PARP11: variants seen among roughly 807,000 people sequenced by gnomAD.
The protein encoded by PARP11 is poly(ADP-ribose) polymerase family member 11, also known as protein mono-ADP-ribosyltransferase PARP11.
A neutral mutation model predicts 42.9 loss-of-function variants in PARP11; 31 were observed. That is an observed-to-expected ratio of 0.72 (90% CI 0.54 to 0.98). PARP11 has a LOEUF of 0.98. PARP11 is among the 50% of genes least tolerant of loss of function. The pLI, the probability that PARP11 is intolerant of heterozygous loss-of-function variation, is 0.00. For missense variants in PARP11, 365 were observed against 413.1 expected, an observed-to-expected ratio of 0.88 and a Z score of 1.01; for synonymous variants, 137 against 127.3, an observed-to-expected ratio of 1.08 and a Z score of -0.51.
At chr12:3,872,475 A>C (rs1176374680) in intron 1 of PARP11, 2 of 979,728 alleles carry the variant, frequency 2.0e-6, no homozygotes, top group African/African-American at 1.8e-5. Context: ...TATAAAAGCA[A>C]AGTAGACAAA....
intron 4 of PARP11, among the ~76,000 whole-genome samples, chr12:3,824,288 G>T (rs1947469373): frequency 6.6e-6 from 1 of 152,132 alleles, no homozygotes; most frequent in African/African-American, 2.4e-5. Context: ...AGTCCTAAAA[G>T]TACTTCATAT....
At chr12:3,826,103 C>G (rs1233342681) in intron 4 of PARP11, 55 bp downstream of exon 4, 18 of 1,010,476 alleles carry the variant, frequency 1.8e-5, no homozygotes, top group Middle Eastern at 4.4e-4. Context: ...GTTTTTCTGT[C>G]CAATAGTAAG....
At chr12:3,814,347 C>G (rs1947243198) in intron 6 of PARP11, among the ~76,000 whole-genome samples, 159 bp from the exon 7 acceptor site, 1 of 152,108 alleles carries the variant, frequency 6.6e-6, no homozygotes, top group Non-Finnish European at 1.5e-5. Flanking sequence ...GAAATAATTT[C>G]AAATGTTCTT....
intron 1 of PARP11, among the ~76,000 whole-genome samples, chr12:3,862,940 T>C (rs11062876): frequency 0.083 from 12,656 of 152,286 alleles, 622 homozygotes; most frequent in East Asian, 0.18. Flanking sequence ...TGGGATTGCA[T>C]TGAATTATCA....
chr12:3,871,291 A>C (rs940048677), intron 1 of PARP11, among the ~76,000 whole-genome samples: 16 of 152,228 alleles, frequency 1.1e-4, no homozygotes, highest in Non-Finnish European at 2.2e-4. Flanking sequence ...TGTTTCATAC[A>C]CAATTATGCA....
chr12:3,842,498 A>G (rs1350857756), intron 1 of PARP11: 2 of 1,601,084 alleles, frequency 1.2e-6, no homozygotes, highest in African/African-American at 2.7e-5. Context: ...GGAGATGGCC[A>G]TAGGGGACAG....
At chr12:3,813,035 C>A (rs756036906) in intron 7 of PARP11, among the ~76,000 whole-genome samples, 5 of 152,130 alleles carry the variant, frequency 3.3e-5, no homozygotes, top group Admixed American at 6.5e-5. Context: ...GAACTCTTGA[C>A]CTCAGGTGAT....
chr12:3,861,482 A>G lies in PARP11; in HGVS notation c.18+11730T>C, dbSNP rs60246543. Reference sequence around the variant, plus strand: ...TCCATCTGCTTATCTTCTTTGGTGCAGTGTCTATTCATATCTTTAGCTCAC... The same window carrying G: ...TCCATCTGCTTATCTTCTTTGGTGCGGTGTCTATTCATATCTTTAGCTCAC... On this transcript the variant is annotated intron_variant, in intron 1 of 7. Coordinates refer to ENST00000228820, the MANE Select transcript of PARP11 (RefSeq NM_020367.6). This position sits in a 1 kb window ranked among gnomAD's most constrained non-coding sequence, Gnocchi z 4.6. Among the ~76,000 whole-genome samples the G allele has an allele frequency of 0.018, 2,805 of 152,296 alleles. 124 individuals carry two copies. The highest frequency in any genetic ancestry group is 0.15 in the East Asian group (757 of 5,180).
At chr12:3,851,050 G>T (rs1948087743) in intron 1 of PARP11, among the ~76,000 whole-genome samples, 1 of 152,144 alleles carries the variant, frequency 6.6e-6, no homozygotes, top group Non-Finnish European at 1.5e-5. Context: ...AATAATCAAA[G>T]ATCATGATGA....
At position 3,869,521 on chromosome 12, in the gene PARP11, T is replaced by A. The variant is rs370593057; in HGVS notation, c.18+3691A>T. Among the ~76,000 whole-genome samples the A allele has an allele frequency of 1.6e-4, 25 of 152,314 alleles. No individual in the cohort carries two copies. The East Asian group carries it at 4.1e-3, about 25-fold the overall frequency. ...CCAGCCACATAGGCTTCTCTCTTTT[T>A]CTCAAGCACCAAGCTCCTTTCTTTC... On this transcript the variant is annotated intron_variant, in intron 1 of 7. Transcript: ENST00000228820.
At chr12:3,820,653 T>C (rs1200989260) in intron 6 of PARP11, among the ~76,000 whole-genome samples, 2 of 152,176 alleles carry the variant, frequency 1.3e-5, no homozygotes, top group African/African-American at 4.8e-5. Context: ...TGAATTAAAT[T>C]TTCATCAGAC....
intron 1 of PARP11, chr12:3,842,577 TAA>T (rs1947913710): frequency 8.4e-7 from 1 of 1,195,604 alleles, no homozygotes; most frequent in South Asian, 1.4e-5. Flanking sequence ...CTGAAGGCTT[TAA>T]AAAACTACAA....
At chr12:3,828,647 T>C (rs978947459) in intron 3 of PARP11, among the ~76,000 whole-genome samples, 3 of 152,200 alleles carry the variant, frequency 2.0e-5, no homozygotes, top group Non-Finnish European at 4.4e-5. Context: ...TTGTGTTCCT[T>C]AGAAGACAAG....
At chr12:3,835,505 G>A (rs901855479) in intron 1 of PARP11, among the ~76,000 whole-genome samples, 1 of 152,136 alleles carries the variant, frequency 6.6e-6, no homozygotes, top group African/African-American at 2.4e-5. Flanking sequence ...ATAAAGATGT[G>A]ATCAATACAC....
In PARP11 at chr12:3,810,682, G is replaced by GGAAA. The variant is rs1353953922; in HGVS notation, c.*1437_*1440dup. 8.0e-6 allele frequency: 1 copy of GGAAA among 125,332 alleles called. No individual in the cohort carries two copies. Among genetic ancestry groups the GGAAA allele is most frequent in the South Asian group, 2.5e-4 (1 of 4,004 alleles). The allele number at this position is 125,332 out of a possible 1,614,324, so 7.8% of individuals were successfully genotyped here. On this transcript the variant is annotated 3_prime_UTR_variant, in exon 8 of 8. Coordinates refer to ENST00000228820, the MANE Select transcript of PARP11 (RefSeq NM_020367.6). ...AGGAAGGAAGGAAGGAAGGAAGGAA[G>GGAAA]GAAAGAAAGAAGGAAGGAAGAGAGA...
chr12:3,823,785 G>A (rs984652220), intron 4 of PARP11, among the ~76,000 whole-genome samples: 7 of 151,882 alleles, frequency 4.6e-5, no homozygotes, highest in East Asian at 1.9e-4. Flanking sequence ...GCATGGTGGC[G>A]TGCGGCTGTA....
chr12:3,834,820 T>C (rs1181404557), intron 1 of PARP11, among the ~76,000 whole-genome samples: 7 of 151,800 alleles, frequency 4.6e-5, no homozygotes, highest in East Asian at 1.9e-4. Context: ...ATAAAAACAC[T>C]AGGCTGTGTA....
chr12:3,830,140 T>A, intron 1 of PARP11, 122 bp from the exon 2 acceptor site: 1 of 753,894 alleles, frequency 1.3e-6, no homozygotes, highest in Non-Finnish European at 2.1e-6. Flanking sequence ...CATGACACTT[T>A]AAAAACAGCT....
intron 1 of PARP11, among the ~76,000 whole-genome samples, chr12:3,842,987 G>C (rs1051423854): frequency 1.3e-5 from 2 of 152,086 alleles, no homozygotes; most frequent in African/African-American, 4.8e-5. Context: ...CAATGCCTTA[G>C]TCATAAACTG....
Sources: allele counts gnomAD v4.1 joint callset (sites outside exome capture counted in the v4.1 genomes callset), GRCh38; gene constraint gnomAD v4.1.1; non-coding constraint Gnocchi (gnomAD v3.1); transcripts MANE v1.5; gene names NCBI Gene and HGNC (gene_info 2026-07-23, HGNC 2026-07-21).